The following PPP1CA variants were observed in gnomAD, a reference collection of about 807,000 sequenced individuals.
The protein encoded by PPP1CA is protein phosphatase 1 catalytic subunit alpha, also known as serine/threonine-protein phosphatase PP1-alpha catalytic subunit.
A neutral mutation model predicts 38.5 loss-of-function variants in PPP1CA; 14 were observed. The ratio of observed to expected loss-of-function variants is 0.36; its 90% CI spans 0.24 to 0.57. The LOEUF (loss-of-function observed/expected upper bound fraction) is 0.57, where lower values mean the gene tolerates loss of function less well. Among genes scored for constraint, PPP1CA ranks in the 20% least tolerant of loss-of-function variants. The pLI, the probability that PPP1CA is intolerant of heterozygous loss-of-function variation, is 0.80. For synonymous variants in PPP1CA, 200 were observed against 177.3 expected, an observed-to-expected ratio of 1.13 and a Z score of -1.02; for missense variants, 277 against 435.2, an observed-to-expected ratio of 0.64 and a Z score of 3.23.
In PPP1CA at chr11:67,400,842, A is replaced by G. The variant is rs774688459; in HGVS notation, c.265T>C (p.Phe89Leu). Residue 89 changes from phenylalanine (F) to leucine (L), a missense_variant, in exon 3 of 7, where the codon TTT becomes CTT. Phe to Leu is a conservative substitution (Grantham distance 22). Transcript: ENST00000376745. ...GGFPPESNYL[F>L]LGDYVDRGKQ... ...CCCCTGTCCACATAGTCCCCCAGAAAGAGGTAGTTGCTCTCGGGAGGGAAA... is the reference window on the plus strand; with the variant it reads ...CCCCTGTCCACATAGTCCCCCAGAAGGAGGTAGTTGCTCTCGGGAGGGAAA... 6.2e-7 allele frequency: 1 copy of G among 1,614,130 alleles called. No homozygotes were observed. The highest frequency in any genetic ancestry group is 8.5e-7 in the Non-Finnish European group (1 of 1,180,020).
At chr11:67,400,179 G>T (rs1158749275) in intron 3 of PPP1CA, among the ~76,000 whole-genome samples, 1 of 152,214 alleles carries the variant, frequency 6.6e-6, no homozygotes, top group Non-Finnish European at 1.5e-5. Context: ...CACCCAGGCT[G>T]GAGTGCAGTG....
At position 67,398,468 on chromosome 11, in the gene PPP1CA, C is replaced by G. The variant is rs4987213; in HGVS notation, c.*67G>C. The stretch of plus-strand genomic sequence containing the variant: ...GCCTGAGGGGTCGGGGTGACCCCCC[C>G]CCAGCATGGCAGCATGATTTCTGTA... On this transcript the variant is annotated 3_prime_UTR_variant, in exon 7 of 7. Coordinates refer to ENST00000376745, the MANE Select transcript of PPP1CA (RefSeq NM_002708.4). 1.2e-3 allele frequency: 1,831 copies of G among 1,520,950 alleles called. 31 individuals carry two copies. In the South Asian group the frequency reaches 0.02, roughly 17 times the overall value. The allele number at this position is 1,520,950 out of a possible 1,614,324, so 94.2% of individuals were successfully genotyped here. A position where few individuals can be genotyped will look rare whatever the true frequency, so the allele number is the denominator to read the frequency against.
intron 1 of PPP1CA, 28 bp downstream of exon 1, chr11:67,401,700 G>A: frequency 7.1e-7 from 1 of 1,401,176 alleles, no homozygotes; most frequent in South Asian, 1.6e-5. Flanking sequence ...GGGCGCGGCG[G>A]ACGCGGGCCT....
chr11:67,401,847 T>C lies in PPP1CA; in HGVS notation c.-65A>G, dbSNP rs971737972. 17 of 1,279,650 alleles carry C rather than the reference T, an allele frequency of 1.3e-5. 1 individual carries two copies. The highest frequency in any genetic ancestry group is 3.3e-5 in the East Asian group (1 of 30,480). The allele number at this position is 1,279,650 out of a possible 1,614,324, so 79.3% of individuals were successfully genotyped here. A position where few individuals can be genotyped will look rare whatever the true frequency, so the allele number is the denominator to read the frequency against. Reference sequence around the variant, plus strand: ...TCCTGCCTCCCGCCCTCCGGCAGCCTCCTTCCGGCCTGGCTCTCCTTCCGC... The same window carrying C: ...TCCTGCCTCCCGCCCTCCGGCAGCCCCCTTCCGGCCTGGCTCTCCTTCCGC... On this transcript the variant is annotated 5_prime_UTR_variant, in exon 1 of 7. Transcript: ENST00000376745.
chr11:67,398,482 A>C lies in PPP1CA; in HGVS notation c.*53T>G. ...GGTGACCCCCCCCCAGCATGGCAGC[A>C]TGATTTCTGTACAATCAATCCATCA... On this transcript the variant is annotated 3_prime_UTR_variant, in exon 7 of 7. Coordinates refer to ENST00000376745, the MANE Select transcript of PPP1CA (RefSeq NM_002708.4). 4.5e-6 allele frequency: 7 copies of C among 1,563,070 alleles called. No homozygotes were observed. Among genetic ancestry groups the C allele is most frequent in the Non-Finnish European group, 5.3e-6 (6 of 1,140,826 alleles).
At position 67,398,622 on chromosome 11, in the gene PPP1CA, GTTC is replaced by G; in HGVS notation, c.903_905del (p.Lys301del). 6.2e-7 allele frequency: 1 copy of G among 1,614,146 alleles called. No individual in the cohort carries two copies. Among genetic ancestry groups the G allele is most frequent in the Non-Finnish European group, 8.5e-7 (1 of 1,180,008 alleles). ...CACTGAACTGCCCGTACTTCCCCTT[GTTC>G]TTGTCGGCGGGCTTGAGGATCTAAA... On this transcript the variant is annotated inframe_deletion, in exon 7 of 7. Transcript: ENST00000376745.
chr11:67,399,575 A>C lies in PPP1CA; in HGVS notation c.509T>G (p.Phe170Cys), dbSNP rs760799660. The C allele has an allele frequency of 1.5e-5, 25 of 1,613,936 alleles. No homozygotes were observed. The highest frequency in any genetic ancestry group is 7.7e-5 in the South Asian group (7 of 91,084). The change falls in exon 4 of 7, where the codon TTC becomes TGC. Residue 170 changes from phenylalanine to cysteine, a missense_variant. Physicochemically the swap from Phe to Cys is radical, Grantham distance 205. Coordinates refer to ENST00000376745, the MANE Select transcript of PPP1CA (RefSeq NM_002708.4). ...CCCTCCCTCACCTCCGTGGCAGCAGAAGATCTTTTCGTCCACTATGGCCGC... is the reference window on the plus strand; with the variant it reads ...CCCTCCCTCACCTCCGTGGCAGCAGCAGATCTTTTCGTCCACTATGGCCGC... ...PIAAIVDEKI[F>C]CCHGGLSPDL...
At position 67,401,708 on chromosome 11, in the gene PPP1CA, C is replaced by A; in HGVS notation, c.55+20G>T. ...GGGGCCAGGGCGCGGCGGACGCGGG[C>A]CTCCCCCGCCCCGACCAACCTTCCA... On this transcript the variant is annotated intron_variant, in intron 1 of 6. Transcript: ENST00000376745. The A allele has an allele frequency of 2.8e-6, 4 of 1,420,278 alleles. No homozygotes were observed. Among genetic ancestry groups the A allele is most frequent in the Middle Eastern group, 1.9e-4 (1 of 5,256 alleles). 88.0% of individuals were successfully genotyped at this position (1,420,278 alleles called of 1,614,324 possible).
chr11:67,401,310 T>G, intron 1 of PPP1CA, 111 bp from the exon 2 acceptor site: 1 of 1,542,866 alleles, frequency 6.5e-7, no homozygotes, highest in South Asian at 1.1e-5. Flanking sequence ...GGCCCCTCCT[T>G]GCCCACAGGC....
chr11:67,398,603 A>C lies in PPP1CA; in HGVS notation c.925T>G (p.Phe309Val). 5.6e-6 allele frequency: 9 copies of C among 1,614,058 alleles called. No homozygotes were observed. The highest frequency in any genetic ancestry group is 7.6e-6 in the Non-Finnish European group (9 of 1,180,004). ...CGGCCTCCAGGGTTCAGGCCACTGA[A>C]CTGCCCGTACTTCCCCTTGTTCTTG... is the stretch of plus-strand genomic sequence containing the variant. ...ADKNKGKYGQ[F>V]SGLNPGGRPI... is the part of the protein sequence containing the mutation. The change falls in exon 7 of 7, where the codon TTC becomes GTC. Residue 309 changes from phenylalanine (F) to valine (V), a missense_variant. Transcript: ENST00000376745.
At chr11:67,401,564 C>T (rs564384036) in intron 1 of PPP1CA, 164 bp downstream of exon 1, 2 of 618,372 alleles carry the variant, frequency 3.2e-6, no homozygotes, top group Admixed American at 3.8e-5. Flanking sequence ...GAGCTGGCCC[C>T]GGACCTCTCA....
intron 2 of PPP1CA, 26 bp downstream of exon 2, chr11:67,401,042 C>G: frequency 6.2e-7 from 1 of 1,612,814 alleles, no homozygotes; most frequent in Non-Finnish European, 8.5e-7. Context: ...TTTAGGAAGG[C>G]AAGGGGACCT....
In PPP1CA at chr11:67,398,453, T is replaced by C; in HGVS notation, c.*82A>G. 1.4e-6 allele frequency: 2 copies of C among 1,396,128 alleles called. No homozygotes were observed. The highest frequency in any genetic ancestry group is 2.0e-6 in the Non-Finnish European group (2 of 1,004,128). 86.5% of individuals were successfully genotyped at this position (1,396,128 alleles called of 1,614,324 possible). On this transcript the variant is annotated 3_prime_UTR_variant, in exon 7 of 7. Coordinates refer to ENST00000376745, the MANE Select transcript of PPP1CA (RefSeq NM_002708.4). Reference sequence around the variant, plus strand: ...CCCCGTGACAGGTGGGCCTGAGGGGTCGGGGTGACCCCCCCCCAGCATGGC... The same window carrying C: ...CCCCGTGACAGGTGGGCCTGAGGGGCCGGGGTGACCCCCCCCCAGCATGGC...
chr11:67,401,409 T>C, intron 1 of PPP1CA: 1 of 819,520 alleles, frequency 1.2e-6, no homozygotes, highest in Non-Finnish European at 1.9e-6. Context: ...GAGGCGACTG[T>C]CGTGCGCAGG....
At chr11:67,401,418 G>T in intron 1 of PPP1CA, 1 of 765,196 alleles carries the variant, frequency 1.3e-6, no homozygotes, top group South Asian at 1.9e-5. Context: ...GTCGTGCGCA[G>T]GGGGCTGCCA....
rs565550066 is a variant in PPP1CA at position 67,398,254 on chromosome 11, C to G, written c.*281G>C. The G allele has an allele frequency of 3.4e-5, 16 of 473,034 alleles. No individual in the cohort carries two copies. In the East Asian group the frequency reaches 5.7e-4, roughly 17 times the overall value. 29.3% of individuals were successfully genotyped at this position (473,034 alleles called of 1,614,324 possible). On this transcript the variant is annotated 3_prime_UTR_variant, in exon 7 of 7. Transcript: ENST00000376745. Reference sequence around the variant, plus strand: ...CAGGATCCGGCTGCCAGCCCTGAGGCCAAGCACGGCTGGAGACCCACGACC... The same window carrying G: ...CAGGATCCGGCTGCCAGCCCTGAGGGCAAGCACGGCTGGAGACCCACGACC...
intron 2 of PPP1CA, 49 bp from the exon 3 acceptor site, chr11:67,400,968 C>G (rs975172335): frequency 1.9e-6 from 3 of 1,610,082 alleles, no homozygotes; most frequent in Non-Finnish European, 1.7e-6. Context: ...TAGACCTGAA[C>G]CCAGGGCCAG....
intron 1 of PPP1CA, 93 bp from the exon 2 acceptor site, chr11:67,401,292 G>T: frequency 1.9e-6 from 3 of 1,576,610 alleles, no homozygotes; most frequent in Non-Finnish European, 1.7e-6. Context: ...GGGCGCCTAG[G>T]CCTCCTCGGC....
Position 67,398,329 on chromosome 11 carries a change from C to T in PPP1CA, c.*206G>A, listed in dbSNP as rs1862783337. ...AGCCTCGGCCCCAGGATCCTGCTCA[C>T]AGTCACCGCAGGTGCAGGCAGGAAG... is the stretch of plus-strand genomic sequence containing the variant. On this transcript the variant is annotated 3_prime_UTR_variant, in exon 7 of 7. Coordinates refer to ENST00000376745, the MANE Select transcript of PPP1CA (RefSeq NM_002708.4). 1.7e-6 allele frequency: 1 copy of T among 600,180 alleles called. No homozygotes were observed. The highest frequency in any genetic ancestry group is 2.9e-5 in the East Asian group (1 of 34,092). 37.2% of individuals were successfully genotyped at this position (600,180 alleles called of 1,614,324 possible). A position where few individuals can be genotyped will look rare whatever the true frequency, so the allele number is the denominator to read the frequency against.
Sources: allele counts gnomAD v4.1 joint callset (sites outside exome capture counted in the v4.1 genomes callset), GRCh38; gene constraint gnomAD v4.1.1; transcripts MANE v1.5; gene names NCBI Gene and HGNC (gene_info 2026-07-23, HGNC 2026-07-21).